The following CCDC3 variants were observed in gnomAD, a reference collection of about 807,000 sequenced individuals.
CCDC3 encodes coiled-coil domain containing 3, also known as coiled-coil domain-containing protein 3.
Under a neutral mutation model 21.4 loss-of-function variants are expected in CCDC3, and 24 were observed. That is an observed-to-expected ratio of 1.12 (90% confidence interval 0.81 to 1.58). The LOEUF (loss-of-function observed/expected upper bound fraction) is 1.58, where lower values mean the gene tolerates loss of function less well. CCDC3 is among the 40% of genes most tolerant of loss of function. CCDC3 has a pLI of 0.00. For synonymous variants in CCDC3, 186 were observed against 166.0 expected, an observed-to-expected ratio of 1.12 and a Z score of -0.93; for missense variants, 425 against 360.9, an observed-to-expected ratio of 1.18 and a Z score of -1.44.
chr10:13,003,747 T>C (rs1835893617), upstream of CCDC3, among the ~76,000 whole-genome samples: 1 of 152,214 alleles, frequency 6.6e-6, no homozygotes, highest in Admixed American at 6.5e-5. Flanking sequence ...GGCCCTCTCT[T>C]TTCTTTCCAC....
intron 2 of CCDC3, among the ~76,000 whole-genome samples, chr10:12,987,077 A>T (rs1212892535): frequency 2.0e-5 from 3 of 152,076 alleles, no homozygotes; most frequent in Non-Finnish European, 4.4e-5. Flanking sequence ...TCGGCCCTCC[A>T]TTCCCTGGTA....
chr10:13,043,732 C>T (rs1018757508), intron 5 of CCDC3, among the ~76,000 whole-genome samples: 3 of 152,232 alleles, frequency 2.0e-5, no homozygotes, highest in Non-Finnish European at 4.4e-5. Flanking sequence ...ATATGTACCA[C>T]ATTTTCTTTA....
rs987060152 is a variant in CCDC3, at chr10:13,058,621, G to C, written c.-269-8680C>G. On this transcript the variant is annotated intron_variant, in intron 4 of 6. Transcript: ENST00000378839. Reference sequence around the variant, plus strand: ...TTTACCCTCTCGTCGTCTTCTAAACGTCACTTGGTATCTCTTCAAGTTGGC... The same window carrying C: ...TTTACCCTCTCGTCGTCTTCTAAACCTCACTTGGTATCTCTTCAAGTTGGC... The C allele has an allele frequency of 1.2e-5, 7 of 605,900 alleles. No homozygotes were observed. The Admixed American group carries it at 1.5e-4, about 13-fold the overall frequency. The allele number at this position is 605,900 out of a possible 1,614,324, so 37.5% of individuals were successfully genotyped here. A position where few individuals can be genotyped will look rare whatever the true frequency, so the allele number is the denominator to read the frequency against.
intron 5 of CCDC3, among the ~76,000 whole-genome samples, chr10:13,011,860 A>G (rs1835987982): frequency 6.6e-6 from 1 of 152,208 alleles, no homozygotes; most frequent in Non-Finnish European, 1.5e-5. Flanking sequence ...AAATACACCA[A>G]TGGAACAGAA....
chr10:12,912,206 T>C (rs1414909726), intron 2 of CCDC3, among the ~76,000 whole-genome samples: 1 of 152,184 alleles, frequency 6.6e-6, no homozygotes, highest in Non-Finnish European at 1.5e-5. Context: ...TTGAGAAAAC[T>C]CCATACAGTT....
chr10:13,080,014 G>A (rs966565847), intron 3 of CCDC3, among the ~76,000 whole-genome samples: 4 of 152,246 alleles, frequency 2.6e-5, no homozygotes, highest in African/African-American at 7.2e-5. Context: ...GGCTGTGGAT[G>A]TAAAGATAAG....
At chr10:13,086,603 C>T (rs1588421053) in intron 3 of CCDC3, among the ~76,000 whole-genome samples, 4 of 152,270 alleles carry the variant, frequency 2.6e-5, no homozygotes, top group Admixed American at 2.0e-4. Flanking sequence ...CATGCCACCA[C>T]GCCCCACTAA....
intron 4 of CCDC3, among the ~76,000 whole-genome samples, chr10:13,069,759 T>C (rs1343466773): frequency 6.6e-6 from 1 of 152,228 alleles, no homozygotes; most frequent in African/African-American, 2.4e-5. Flanking sequence ...ATGTCTAAAA[T>C]TCTAATGTCT....
intron 2 of CCDC3, among the ~76,000 whole-genome samples, chr10:12,967,617 G>C (rs531990327): frequency 7.2e-5 from 11 of 152,136 alleles, no homozygotes; most frequent in African/African-American, 2.4e-4. Flanking sequence ...TATGCAGCCA[G>C]CAAAGAAAGG....
chr10:12,920,538 G>C (rs904467717), intron 2 of CCDC3, among the ~76,000 whole-genome samples: 1 of 152,184 alleles, frequency 6.6e-6, no homozygotes, highest in Non-Finnish European at 1.5e-5. Flanking sequence ...TCTGGTGAGG[G>C]AGAAACCATT....
intron 2 of CCDC3, among the ~76,000 whole-genome samples, chr10:12,931,208 C>CAAAAAAAAA (rs67541166): frequency 6.7e-5 from 5 of 75,054 alleles, no homozygotes; most frequent in Admixed American, 1.9e-4. Context: ...AAGACTCTGT[C>CAAAAAAAAA]AAAAAAAAAA....
At position 12,935,591 on chromosome 10, in the gene CCDC3, A is replaced by T. The variant is rs559464897; in HGVS notation, c.550-36912T>A. The stretch of plus-strand genomic sequence containing the variant: ...ATTATTTCATTTTCTCTTTCTTAGC[A>T]TATCAATTATAACTTCAACTCTTTT... On this transcript the variant is annotated intron_variant, in intron 2 of 2. Coordinates refer to ENST00000378825, the MANE Select transcript of CCDC3 (RefSeq NM_031455.4). Among the ~76,000 whole-genome samples the T allele has an allele frequency of 9.2e-5, 14 of 152,004 alleles. No homozygotes were observed. In the South Asian group the frequency reaches 2.9e-3, roughly 32 times the overall value.
At chr10:13,049,366 T>C (rs1376267047) in intron 5 of CCDC3, among the ~76,000 whole-genome samples, 1 of 152,160 alleles carries the variant, frequency 6.6e-6, no homozygotes, top group Non-Finnish European at 1.5e-5. Context: ...TATTCCCTTA[T>C]TCAGAACAAG....
At chr10:13,060,772 C>T (rs1469663278) in intron 4 of CCDC3, among the ~76,000 whole-genome samples, 3 of 152,070 alleles carry the variant, frequency 2.0e-5, no homozygotes, top group African/African-American at 7.2e-5. Flanking sequence ...TCCCAAAGTG[C>T]TAGGATTACA....
intron 2 of CCDC3, among the ~76,000 whole-genome samples, chr10:12,954,398 C>T (rs1049356226): frequency 1.3e-5 from 2 of 152,170 alleles, no homozygotes; most frequent in Non-Finnish European, 2.9e-5. Flanking sequence ...TATCAAATTA[C>T]GTCTTTGTCC....
chr10:13,045,828 C>T (rs374850130), intron 5 of CCDC3, among the ~76,000 whole-genome samples: 1 of 152,094 alleles, frequency 6.6e-6, no homozygotes. Context: ...CAGCAGCTCA[C>T]GCCTGTAATC....
At chr10:13,053,191 A>C (rs1008506455) in intron 4 of CCDC3, among the ~76,000 whole-genome samples, 1 of 152,160 alleles carries the variant, frequency 6.6e-6, no homozygotes, top group Non-Finnish European at 1.5e-5. Context: ...AAGGTAGAAT[A>C]ATCTTTTTTG....
intron 5 of CCDC3, among the ~76,000 whole-genome samples, chr10:13,039,262 A>G (rs1836418306): frequency 6.6e-6 from 1 of 152,096 alleles, no homozygotes; most frequent in South Asian, 2.1e-4. Flanking sequence ...CTAAACCCGC[A>G]TATCTCAAAA....
At position 13,075,464 on chromosome 10, in the gene CCDC3, G is replaced by A. The variant is rs150028007; in HGVS notation, c.-502-1364C>T. Reference sequence around the variant, plus strand: ...GTTTTTTTGTTTTTTTTTTCTAGACGTCCCAGCCTGGGTAGGTGGGTAATG... The same window carrying A: ...GTTTTTTTGTTTTTTTTTTCTAGACATCCCAGCCTGGGTAGGTGGGTAATG... On this transcript the variant is annotated intron_variant, in intron 3 of 6. Coordinates refer to the CCDC3 transcript ENST00000378839. Among the ~76,000 whole-genome samples, 689 of 150,576 alleles carry A rather than the reference G, an allele frequency of 4.6e-3. 7 individuals carry two copies. Among genetic ancestry groups the A allele is most frequent in the African/African-American group, 0.016 (658 of 40,856 alleles).
Sources: gnomAD v4.1 joint callset for allele counts (sites outside exome capture counted in the v4.1 genomes callset) on GRCh38, gnomAD v4.1.1 for gene constraint, MANE v1.5 for transcripts, NCBI Gene and HGNC (gene_info 2026-07-23, HGNC 2026-07-21) for gene names.